LLGL1: variants seen among roughly 807,000 people sequenced by gnomAD.
The protein encoded by LLGL1 is LLGL scribble cell polarity complex component 1.
Under a neutral mutation model 110.6 loss-of-function variants are expected in LLGL1, and 58 were observed. The ratio of observed to expected loss-of-function variants is 0.52; its 90% CI spans 0.42 to 0.65. LLGL1 has a LOEUF of 0.65. Ranked by LOEUF, LLGL1 falls within the 30% of genes least tolerant of loss-of-function variation. The pLI, the probability that LLGL1 is intolerant of heterozygous loss-of-function variation, is 0.00. For synonymous variants in LLGL1, 674 were observed against 607.2 expected (o/e 1.11, Z -1.62); for missense variants, 1,229 against 1,462.1 (o/e 0.84, Z 2.60).
chr17:18,232,549 C>A lies in LLGL1; in HGVS notation c.234C>A (p.Val78=), dbSNP rs755842730. The A allele has an allele frequency of 1.5e-5, 25 of 1,614,154 alleles. No homozygotes were observed. The highest frequency in any genetic ancestry group is 2.1e-5 in the Non-Finnish European group (25 of 1,180,000). ...FTGLHRDAAT[V]TQMHFLTGQG... is the part of the protein sequence containing the mutation. Reference sequence around the variant, plus strand: ...GCCTGCACCGGGATGCAGCCACTGTCACACAGATGCACTTCTTGACCGGCC... The same window carrying A: ...GCCTGCACCGGGATGCAGCCACTGTAACACAGATGCACTTCTTGACCGGCC... Residue 78 remains valine (V), a synonymous_variant, in exon 3 of 23, where the codon GTC becomes GTA. Coordinates refer to ENST00000316843, the MANE Select transcript of LLGL1 (RefSeq NM_004140.4).
rs767095694 is a variant in LLGL1, at chr17:18,238,541, G to C, written c.2138G>C (p.Arg713Pro). ...MTPVQRRIEP[R>P]SADDSLSGVV... ...CCCGTGCAGCGCCGCATTGAGCCCCGCTCTGCCGATGACTCCTTGTCGGGT... is the reference window on the plus strand; with the variant it reads ...CCCGTGCAGCGCCGCATTGAGCCCCCCTCTGCCGATGACTCCTTGTCGGGT... Residue 713 changes from arginine to proline, a missense_variant, in exon 16 of 23, where the codon CGC becomes CCC. Physicochemically the swap from Arg to Pro is moderately radical, Grantham distance 103. Coordinates refer to ENST00000316843, the MANE Select transcript of LLGL1 (RefSeq NM_004140.4). 1.7e-5 allele frequency: 28 copies of C among 1,612,960 alleles called. No homozygotes were observed. In the South Asian group the frequency reaches 2.2e-4, roughly 13 times the overall value.
At position 18,244,790 on chromosome 17, in the gene LLGL1, T is replaced by TGTCG. The variant is rs1303606298; in HGVS notation, c.*885_*888dup. The stretch of plus-strand genomic sequence containing the variant: ...TAGATTGTACCTTGGGGTTTTTTTC[T>TGTCG]GTCGTTTTGTTAAAATTAGCGCCAT... On this transcript the variant is annotated 3_prime_UTR_variant, in exon 23 of 23. Transcript: ENST00000316843. 3.5e-6 allele frequency: 1 copy of TGTCG among 283,278 alleles called. No homozygotes were observed. The highest frequency in any genetic ancestry group is 2.2e-5 in the African/African-American group (1 of 45,990). 17.5% of individuals were successfully genotyped at this position (283,278 alleles called of 1,614,324 possible).
chr17:18,239,568 T>C (rs2047776893), intron 16 of LLGL1, among the ~76,000 whole-genome samples: 1 of 152,172 alleles, frequency 6.6e-6, no homozygotes, highest in African/African-American at 2.4e-5. Context: ...AGCATGTTCC[T>C]GACAGATGTC....
rs1463146391 is a variant in LLGL1 at position 18,242,173 on chromosome 17, A to G, written c.2890A>G (p.Ile964Val). ...PRDATQASYR[I>V]RESPKLSQAN... is the part of the protein sequence containing the mutation. ...ATGGCCCCATCTCTGCAGTTACAGGATCCGAGAGTCACCCAAGCTGAGCCA... is the reference window on the plus strand; with the variant it reads ...ATGGCCCCATCTCTGCAGTTACAGGGTCCGAGAGTCACCCAAGCTGAGCCA... The change falls in exon 20 of 23, where the codon ATC becomes GTC. Residue 964 changes from isoleucine to valine, a missense_variant. Coordinates refer to ENST00000316843, the MANE Select transcript of LLGL1 (RefSeq NM_004140.4). 2 of 1,613,502 alleles carry G rather than the reference A, an allele frequency of 1.2e-6. No individual in the cohort carries two copies. Among genetic ancestry groups the G allele is most frequent in the Non-Finnish European group, 1.7e-6 (2 of 1,179,748 alleles).
intron 22 of LLGL1, 143 bp downstream of exon 22, chr17:18,242,965 C>G (rs1597883677): frequency 1.3e-6 from 1 of 745,454 alleles, no homozygotes; most frequent in Non-Finnish European, 2.1e-6. Context: ...GGCTGCCTTC[C>G]ATGGAGTGCC....
rs1567691664 is a variant in LLGL1, at chr17:18,236,847, G to C, written c.1519G>C (p.Asp507His). The C allele has an allele frequency of 1.2e-6, 2 of 1,613,648 alleles. No individual in the cohort carries two copies. The highest frequency in any genetic ancestry group is 1.7e-6 in the Non-Finnish European group (2 of 1,179,954). Reference sequence around the variant, plus strand: ...CCCATCCCTCTAGGTGGGCTGCTTCGATCCCTACAGTGACGATCCCCGGCT... The same window carrying C: ...CCCATCCCTCTAGGTGGGCTGCTTCCATCCCTACAGTGACGATCCCCGGCT... ...WPPFRKVGCF[D>H]PYSDDPRLGV... The change falls in exon 13 of 23, where the codon GAT becomes CAT. Residue 507 changes from aspartate (D) to histidine (H), a missense_variant. Physicochemically the swap from Asp to His is moderately conservative, Grantham distance 81. Coordinates refer to ENST00000316843, the MANE Select transcript of LLGL1 (RefSeq NM_004140.4).
At position 18,237,680 on chromosome 17, in the gene LLGL1, T is replaced by C. The variant is rs780087503; in HGVS notation, c.1811T>C (p.Val604Ala). The C allele has an allele frequency of 8.7e-6, 14 of 1,612,852 alleles. No individual in the cohort carries two copies. The highest frequency in any genetic ancestry group is 1.1e-5 in the Non-Finnish European group (13 of 1,179,982). Residue 604 changes from valine (V) to alanine (A), a missense_variant, in exon 14 of 23, where the codon GTC (valine) becomes GCC (alanine). Physicochemically the swap from Val to Ala is moderately conservative, Grantham distance 64. Coordinates refer to ENST00000316843, the MANE Select transcript of LLGL1 (RefSeq NM_004140.4). ...CTGCCGCCAGCTGCTGTAACCGCTG[T>C]CACACTCCACACCGAGTGGAGCCTC... ...QCLPPAAVTAVTLHTEWSLVA... is the reference protein window; with the variant it reads ...QCLPPAAVTAATLHTEWSLVA...
In LLGL1 at chr17:18,237,834, C is replaced by T. The variant is rs538819548; in HGVS notation, c.1904+61C>T. ...CCCAGCGAGATGGGGTCTGGGCTTC[C>T]GTTTCCACCTCTAGTGTTTGGTGTG... On this transcript the variant is annotated intron_variant, in intron 14 of 22. Transcript: ENST00000316843. 1.4e-3 allele frequency: 2,108 copies of T among 1,525,438 alleles called. 3 individuals are homozygous for T. Among genetic ancestry groups the T allele is most frequent in the South Asian group, 5.2e-3 (421 of 81,714 alleles). 94.5% of individuals were successfully genotyped at this position (1,525,438 alleles called of 1,614,324 possible).
Position 18,229,993 on chromosome 17 carries a change from A to C in LLGL1, c.134A>C (p.Glu45Ala). ...NQPSALAFDP[E>A]LRIMAIGTRS... is the part of the protein sequence containing the mutation. ...CCCAGCGCCCTGGCCTTCGACCCGG[A>C]ACTTCGCATCATGGCCATCGGCACC... The change falls in exon 2 of 23, where the codon GAA becomes GCA. Residue 45 changes from glutamate to alanine, a missense_variant. Glu to Ala is a moderately radical substitution (Grantham distance 107). Transcript: ENST00000316843. 1 of 1,612,336 alleles carries C rather than the reference A, an allele frequency of 6.2e-7. No homozygotes were observed. Among genetic ancestry groups the C allele is most frequent in the Non-Finnish European group, 8.5e-7 (1 of 1,179,790 alleles).
Position 18,237,786 on chromosome 17 carries a change from G to A in LLGL1, c.1904+13G>A. The A allele has an allele frequency of 6.3e-7, 1 of 1,589,284 alleles. No homozygotes were observed. The highest frequency in any genetic ancestry group is 8.6e-7 in the Non-Finnish European group (1 of 1,164,988). ...CTGTGCTGGCCAGGTGTGTGGGGTG[G>A]GGCCGGCTGGGCAGTTGGAGCCCCC... On this transcript the variant is annotated intron_variant, in intron 14 of 22. Coordinates refer to ENST00000316843, the MANE Select transcript of LLGL1 (RefSeq NM_004140.4).
Position 18,241,587 on chromosome 17 carries a change from G to C in LLGL1, c.2639G>C (p.Cys880Ser). ...CEDYAETCLA[C>S]LTNLGDVHVF... ...GACTATGCTGAGACCTGCCTGGCCT[G>C]CCTCACCAACCTGGGTGACGTCCAC... is the stretch of plus-strand genomic sequence containing the variant. The change falls in exon 18 of 23, where the codon TGC becomes TCC. Residue 880 changes from cysteine to serine, a missense_variant. Coordinates refer to ENST00000316843, the MANE Select transcript of LLGL1 (RefSeq NM_004140.4). The C allele has an allele frequency of 6.2e-7, 1 of 1,613,838 alleles. No individual in the cohort carries two copies. Among genetic ancestry groups the C allele is most frequent in the East Asian group, 2.2e-5 (1 of 44,882 alleles).
At chr17:18,234,787 T>C in intron 8 of LLGL1, 52 bp from the exon 9 acceptor site, 1 of 1,613,908 alleles carries the variant, frequency 6.2e-7, no homozygotes, top group Non-Finnish European at 8.5e-7. Context: ...TTGTGCAGTA[T>C]GTGCTCTGGA....
chr17:18,236,656 C>A lies in LLGL1; in HGVS notation c.1402C>A (p.Arg468=). The change falls in exon 12 of 23, where the codon CGG becomes AGG. Residue 468 remains arginine, a synonymous_variant. Coordinates refer to ENST00000316843, the MANE Select transcript of LLGL1 (RefSeq NM_004140.4). ...RFWDASGVAL[R]PLYKLSTAGL... ...CTGGGATGCCTCGGGTGTGGCGCTG[C>A]GGCCGCTCTATAAGCTGAGCACAGC... 1 of 1,612,814 alleles carries A rather than the reference C, an allele frequency of 6.2e-7. No individual in the cohort carries two copies.
intron 2 of LLGL1, among the ~76,000 whole-genome samples, chr17:18,232,142 C>G (rs1224714022): frequency 6.6e-6 from 1 of 152,214 alleles, no homozygotes; most frequent in Non-Finnish European, 1.5e-5. Context: ...GGAGCGGAGC[C>G]CCATCCTCTC....
chr17:18,228,526 G>A (rs927474241), intron 1 of LLGL1, among the ~76,000 whole-genome samples: 5 of 152,222 alleles, frequency 3.3e-5, no homozygotes, highest in African/African-American at 1.2e-4. Context: ...CAGGGAGGGA[G>A]GTGACTTCTG....
At chr17:18,233,670 G>A in intron 4 of LLGL1, 108 bp from the exon 5 acceptor site, 1 of 1,220,348 alleles carries the variant, frequency 8.2e-7, no homozygotes, top group Non-Finnish European at 1.2e-6. Flanking sequence ...GCCCTGGTGA[G>A]TGCTGTGGGG....
At position 18,241,866 on chromosome 17, in the gene LLGL1, C is replaced by T. The variant is rs745599389; in HGVS notation, c.2768-19C>T. 6 of 1,608,234 alleles carry T rather than the reference C, an allele frequency of 3.7e-6. No homozygotes were observed. In the South Asian group the frequency reaches 5.5e-5, roughly 15 times the overall value. On this transcript the variant is annotated intron_variant, in intron 18 of 22. Transcript: ENST00000316843. Reference sequence around the variant, plus strand: ...GGTGGTATCTTCTAACTGCACTCCTCATTCTTCTGCCCACCCAGGCTTTTA... The same window carrying T: ...GGTGGTATCTTCTAACTGCACTCCTTATTCTTCTGCCCACCCAGGCTTTTA...
chr17:18,240,952 A>G lies in LLGL1; in HGVS notation c.2502+79A>G, dbSNP rs1228774534. On this transcript the variant is annotated intron_variant, in intron 17 of 22. Transcript: ENST00000316843. The surrounding 1 kb of genome is among the most constrained non-coding windows in gnomAD (Gnocchi z 5.3). ...CCTCATGGACACCATTGGACCCTCAAGAAACCCTTCCTGCCTGTATCCCCC... is the reference window on the plus strand; with the variant it reads ...CCTCATGGACACCATTGGACCCTCAGGAAACCCTTCCTGCCTGTATCCCCC... 7.3e-7 allele frequency: 1 copy of G among 1,378,596 alleles called. No homozygotes were observed. Among genetic ancestry groups the G allele is most frequent in the South Asian group, 1.5e-5 (1 of 64,712 alleles). The allele number at this position is 1,378,596 out of a possible 1,614,324, so 85.4% of individuals were successfully genotyped here. A position where few individuals can be genotyped will look rare whatever the true frequency, so the allele number is the denominator to read the frequency against.
At chr17:18,229,663 T>G (rs987260481) in intron 1 of LLGL1, among the ~76,000 whole-genome samples, 3 of 152,110 alleles carry the variant, frequency 2.0e-5, no homozygotes, top group African/African-American at 7.2e-5. Context: ...CTGTGTGCAT[T>G]GAGGGGCACA....
Sources: allele counts gnomAD v4.1 joint callset (sites outside exome capture counted in the v4.1 genomes callset), GRCh38; gene constraint gnomAD v4.1.1; non-coding constraint Gnocchi (gnomAD v3.1); transcripts MANE v1.5; gene names NCBI Gene and HGNC (gene_info 2026-07-23, HGNC 2026-07-21).